The following RGPD1 variants were observed in gnomAD, a reference collection of about 807,000 sequenced individuals.
RGPD1 encodes RANBP2 like and GRIP domain containing 1, also known as RANBP2-like and GRIP domain-containing protein 1.
Under a neutral mutation model 40.6 loss-of-function variants are expected in RGPD1, and 7 were observed. The observed-to-expected ratio is 0.17, with a 90% CI of 0.10 to 0.32. The LOEUF (loss-of-function observed/expected upper bound fraction) is 0.32, where lower values mean the gene tolerates loss of function less well. Among genes scored for constraint, RGPD1 ranks in the 10% least tolerant of loss-of-function variants. The pLI is 1.00. For synonymous variants in RGPD1, 24 were observed against 167.0 expected (o/e 0.14, Z 6.60); for missense variants, 50 against 472.5 (o/e 0.11, Z 8.29).
intron 22 of RGPD1, among the ~76,000 whole-genome samples, chr2:87,011,843 AG>A: frequency 2.0e-5 from 2 of 100,818 alleles, no homozygotes; most frequent in African/African-American, 7.1e-5. Flanking sequence ...GGGATGGAGG[AG>A]GGATTTAAAC....
At chr2:86,927,042 A>T (rs1480569358) in intron 1 of RGPD1, among the ~76,000 whole-genome samples, 1 of 151,994 alleles carries the variant, frequency 6.6e-6, no homozygotes, top group African/African-American at 2.4e-5. Flanking sequence ...CATTTTCATG[A>T]TTTTTTTCAT....
At chr2:86,951,882 T>TTTTTTTG (rs1316479704) in intron 2 of RGPD1, among the ~76,000 whole-genome samples, 1 of 98,926 alleles carries the variant, frequency 1.0e-5, no homozygotes, top group African/African-American at 4.9e-5. Context: ...GGTTTTTTTT[T>TTTTTTTG]TTTTTTTTTT....
chr2:86,913,739 GTCC>G, upstream of RGPD1: 2 of 1,359,526 alleles, frequency 1.5e-6, no homozygotes, highest in South Asian at 2.5e-5. Flanking sequence ...CGTCACAGTG[GTCC>G]TCCGCCGGCT....
At chr2:86,941,744 A>C, upstream of RGPD1, among the ~76,000 whole-genome samples, 2 of 147,016 alleles carry the variant, frequency 1.4e-5, no homozygotes, top group African/African-American at 2.6e-5. Flanking sequence ...AGGAAGTCTT[A>C]CTCTCGCCCA....
At chr2:86,996,842 A>AG (rs1400021564) in intron 21 of RGPD1, among the ~76,000 whole-genome samples, 2 of 96,122 alleles carry the variant, frequency 2.1e-5, no homozygotes, top group Non-Finnish European at 4.1e-5. Flanking sequence ...GGAACAGCGT[A>AG]GGGGCAGGGG....
upstream of RGPD1, among the ~76,000 whole-genome samples, chr2:86,939,747 T>C (rs2104747907): frequency 8.1e-6 from 1 of 123,166 alleles, no homozygotes; most frequent in Non-Finnish European, 1.7e-5. Flanking sequence ...TTTTTTTTTT[T>C]TTTTTGAGAC....
intron 1 of RGPD1, chr2:86,930,770 C>G: frequency 7.9e-7 from 1 of 1,272,652 alleles, no homozygotes; most frequent in Non-Finnish European, 1.1e-6. Flanking sequence ...CACCTACAGC[C>G]CCCTGAGGAC....
At chr2:86,938,217 T>A (rs1417280538), upstream of RGPD1, among the ~76,000 whole-genome samples, 1 of 78,538 alleles carries the variant, frequency 1.3e-5, no homozygotes, top group Non-Finnish European at 2.2e-5. Context: ...CTTTGGAGAC[T>A]ATTGATACTC....
rs576885226 is a variant in RGPD1, at chr2:86,929,347, C to T, written c.72+15426C>T. Among the ~76,000 whole-genome samples the T allele has an allele frequency of 1.5e-4, 23 of 151,848 alleles. No individual in the cohort carries two copies. The South Asian group carries it at 4.6e-3, about 30-fold the overall frequency. On this transcript the variant is annotated intron_variant, in intron 1 of 22. Coordinates refer to the RGPD1 transcript ENST00000398193. ...TTCAGAGCGGCCGGAGAACTCTGTTCTCTTGTGCATTGATGCCCCCGGAGT... is the reference window on the plus strand; with the variant it reads ...TTCAGAGCGGCCGGAGAACTCTGTTTTCTTGTGCATTGATGCCCCCGGAGT...
chr2:86,936,040 T>C (rs1380715318), intron 1 of RGPD1, among the ~76,000 whole-genome samples: 3 of 130,110 alleles, frequency 2.3e-5, no homozygotes, highest in Non-Finnish European at 3.4e-5. Context: ...AGTCTCGTTC[T>C]ATCACCCAGG....
At chr2:86,914,250 G>T (rs1677625457) in intron 1 of RGPD1, among the ~76,000 whole-genome samples, 1 of 102,616 alleles carries the variant, frequency 9.7e-6, no homozygotes, top group Non-Finnish European at 2.0e-5. Flanking sequence ...GGCGGCGGCG[G>T]CGGCGGCCTC....
intron 22 of RGPD1, chr2:87,002,965 ACT>A (rs1329063313): frequency 1.5e-5 from 2 of 131,610 alleles, no homozygotes; most frequent in Non-Finnish European, 3.1e-5. Flanking sequence ...TTGCTAGCGG[ACT>A]CTCTCTGTCT....
chr2:86,954,815 G>C (rs552178357), intron 4 of RGPD1, among the ~76,000 whole-genome samples: 1 of 146,022 alleles, frequency 6.8e-6, no homozygotes, highest in Non-Finnish European at 1.5e-5. Context: ...CACCACTACT[G>C]TCAAGATACA....
intron 1 of RGPD1, among the ~76,000 whole-genome samples, chr2:86,933,225 A>G (rs1679104829): frequency 6.6e-6 from 1 of 150,486 alleles, no homozygotes; most frequent in Admixed American, 6.6e-5. Flanking sequence ...TAGAGTTAAC[A>G]TTCTGCTTTT....
intron 1 of RGPD1, among the ~76,000 whole-genome samples, chr2:86,949,206 C>CTGT (rs1243252215): frequency 1.3e-5 from 2 of 152,274 alleles, no homozygotes; most frequent in Non-Finnish European, 2.9e-5. Flanking sequence ...TATATTCATG[C>CTGT]TGTATGTGCT....
chr2:86,956,052 A>T (rs1680708897), intron 4 of RGPD1, among the ~76,000 whole-genome samples: 1 of 147,324 alleles, frequency 6.8e-6, no homozygotes, highest in African/African-American at 2.5e-5. Context: ...AATCCATGAG[A>T]TTTATAATTG....
chr2:86,929,344 G>A (rs1311135185), intron 1 of RGPD1, among the ~76,000 whole-genome samples: 2 of 151,666 alleles, frequency 1.3e-5, no homozygotes, highest in African/African-American at 4.8e-5. Flanking sequence ...GGAGAACTCT[G>A]TTCTCTTGTG....
At chr2:86,936,010 A>T (rs575274838) in intron 1 of RGPD1, among the ~76,000 whole-genome samples, 1,634 of 110,362 alleles carry the variant, frequency 0.015, 158 homozygotes, top group Non-Finnish European at 0.021. Context: ...TGGAAAAAAA[A>T]TTTTTTTTTT....
At chr2:86,913,801 G>C (rs558923001), upstream of RGPD1, 846 of 1,504,514 alleles carry the variant, frequency 5.6e-4, 18 homozygotes, top group African/African-American at 0.011. Flanking sequence ...CGACTGCTGC[G>C]GGGCTGAGCG....
Sources: gnomAD v4.1 joint callset for allele counts (sites outside exome capture counted in the v4.1 genomes callset) on GRCh38, gnomAD v4.1.1 for gene constraint, MANE v1.5 for transcripts, NCBI Gene and HGNC (gene_info 2026-07-23, HGNC 2026-07-21) for gene names.